ATRNL1: variants seen among roughly 807,000 people sequenced by gnomAD.
The protein encoded by ATRNL1 is attractin-like protein 1.
Under a neutral mutation model 182.7 loss-of-function variants are expected in ATRNL1, and 95 were observed. That is an observed-to-expected ratio of 0.52 (90% CI 0.44 to 0.62). The LOEUF is 0.62. Ranked by LOEUF, ATRNL1 falls within the 20% of genes least tolerant of loss-of-function variation. The pLI is 0.00. For synonymous variants in ATRNL1, 576 were observed against 568.3 expected, an observed-to-expected ratio of 1.01 and a Z score of -0.19; for missense variants, 1,471 against 1,679.5, an observed-to-expected ratio of 0.88 and a Z score of 2.17.
chr10:115,215,058 G>T (rs115884201), intron 8 of ATRNL1, among the ~76,000 whole-genome samples: 1,694 of 152,244 alleles, frequency 0.011, 26 homozygotes, highest in African/African-American at 0.038. Context: ...TACTGTAATT[G>T]CCTTCCTGTT....
intron 24 of ATRNL1, among the ~76,000 whole-genome samples, chr10:115,509,536 T>G (rs961609261): frequency 8.6e-5 from 13 of 151,992 alleles, no homozygotes; most frequent in Admixed American, 2.6e-4. Context: ...CTCTTCACTC[T>G]CTCATTCCTG....
At chr10:115,711,683 A>AGTTT (rs1555054580) in intron 26 of ATRNL1, among the ~76,000 whole-genome samples, 1 of 152,150 alleles carries the variant, frequency 6.6e-6, no homozygotes, top group Admixed American at 6.6e-5. Context: ...TACACTGAGA[A>AGTTT]GATTCTGAAA....
intron 26 of ATRNL1, among the ~76,000 whole-genome samples, chr10:115,646,390 C>T (rs1371974831): frequency 3.3e-5 from 5 of 152,076 alleles, no homozygotes; most frequent in Admixed American, 6.6e-5. Context: ...AGATGTTTTC[C>T]TCCATATAGT....
At chr10:115,177,654 A>T (rs1847568158) in intron 8 of ATRNL1, among the ~76,000 whole-genome samples, 1 of 152,056 alleles carries the variant, frequency 6.6e-6, no homozygotes, top group South Asian at 2.1e-4. Flanking sequence ...TAGAGAACCT[A>T]TCCATTTTTG....
At chr10:115,868,541 C>T (rs937318245) in intron 28 of ATRNL1, among the ~76,000 whole-genome samples, 2 of 152,124 alleles carry the variant, frequency 1.3e-5, no homozygotes, top group South Asian at 2.1e-4. Context: ...TATCACAGAC[C>T]GTCAATGCTT....
intron 27 of ATRNL1, among the ~76,000 whole-genome samples, chr10:115,771,779 T>C (rs1278731393): frequency 6.6e-6 from 1 of 152,188 alleles, no homozygotes; most frequent in Non-Finnish European, 1.5e-5. Flanking sequence ...CCCAATGCCT[T>C]GATTGGGATG....
At chr10:115,373,712 T>C (rs1554948722) in intron 19 of ATRNL1, among the ~76,000 whole-genome samples, 3 of 152,004 alleles carry the variant, frequency 2.0e-5, no homozygotes, top group African/African-American at 7.2e-5. Flanking sequence ...AAATCTTACT[T>C]GATCTTGATG....
intron 28 of ATRNL1, among the ~76,000 whole-genome samples, chr10:115,918,020 A>G (rs1348383282): frequency 6.6e-6 from 1 of 151,196 alleles, no homozygotes; most frequent in Non-Finnish European, 1.5e-5. Context: ...CAAAATGTTT[A>G]TTGCCTTGCT....
intron 28 of ATRNL1, among the ~76,000 whole-genome samples, chr10:115,917,091 C>T (rs549050464): frequency 5.9e-5 from 9 of 152,304 alleles, no homozygotes; most frequent in East Asian, 5.8e-4. Context: ...ACCTTGTCAG[C>T]GCTTTGAGAT....
chr10:115,841,157 C>T (rs1421360636), intron 27 of ATRNL1, among the ~76,000 whole-genome samples: 1 of 151,848 alleles, frequency 6.6e-6, no homozygotes, highest in African/African-American at 2.4e-5. Context: ...TGTTATTAAC[C>T]AACTCAGGGC....
intron 5 of ATRNL1, among the ~76,000 whole-genome samples, chr10:115,129,964 G>T (rs1382947660): frequency 6.6e-6 from 1 of 152,070 alleles, no homozygotes; most frequent in East Asian, 1.9e-4. Context: ...CTTAGGAAAG[G>T]CTGACATCTT....
chr10:115,532,717 A>T (rs1592800922), intron 25 of ATRNL1, among the ~76,000 whole-genome samples: 1 of 150,746 alleles, frequency 6.6e-6, no homozygotes, highest in African/African-American at 2.4e-5. Context: ...TTTCAAAGGG[A>T]ATGCTTCCAG....
intron 26 of ATRNL1, among the ~76,000 whole-genome samples, chr10:115,645,253 A>T (rs1859529564): frequency 6.6e-6 from 1 of 150,700 alleles, no homozygotes; most frequent in African/African-American, 2.4e-5. Flanking sequence ...ACTGTATGGG[A>T]TACTTCTGTT....
chr10:115,890,597 T>C (rs1275490866), intron 28 of ATRNL1, among the ~76,000 whole-genome samples: 1 of 152,208 alleles, frequency 6.6e-6, no homozygotes, highest in African/African-American at 2.4e-5. Context: ...CGGGAAAAGA[T>C]TATTTAGAGA....
At chr10:115,225,127 A>C (rs1554898365) in intron 9 of ATRNL1, among the ~76,000 whole-genome samples, 1 of 152,108 alleles carries the variant, frequency 6.6e-6, no homozygotes, top group Non-Finnish European at 1.5e-5. Flanking sequence ...TTTAGAAAGA[A>C]AATAATAGAT....
At chr10:115,256,345 T>G (rs1465392287) in intron 10 of ATRNL1, among the ~76,000 whole-genome samples, 1 of 152,326 alleles carries the variant, frequency 6.6e-6, no homozygotes, top group East Asian at 1.9e-4. Context: ...GAGATTCAAC[T>G]TCTTCCTGGT....
chr10:115,617,370 GT>G (rs34363986), intron 26 of ATRNL1, among the ~76,000 whole-genome samples: 14 of 148,834 alleles, frequency 9.4e-5, no homozygotes, highest in Admixed American at 8.7e-4. Flanking sequence ...TTTGTTTTTT[GT>G]TTTTTTTTAA....
At chr10:115,137,708 G>A (rs532277616) in intron 5 of ATRNL1, among the ~76,000 whole-genome samples, 46 of 152,230 alleles carry the variant, frequency 3.0e-4, no homozygotes, top group African/African-American at 9.4e-4. Flanking sequence ...ACTGGGTCCC[G>A]CCCAAAACAC....
At chr10:115,439,128 A>G (rs781827037) in intron 21 of ATRNL1, among the ~76,000 whole-genome samples, 16 of 151,992 alleles carry the variant, frequency 1.1e-4, no homozygotes, top group Non-Finnish European at 1.5e-5. Context: ...TTTAGTATTC[A>G]TTAAGTAGAA....
Sources: allele counts gnomAD v4.1 joint callset (sites outside exome capture counted in the v4.1 genomes callset), GRCh38; gene constraint gnomAD v4.1.1; transcripts MANE v1.5; gene names NCBI Gene and HGNC (gene_info 2026-07-23, HGNC 2026-07-21).